Variants in CAPN2 observed in about 807,000 individuals in gnomAD.
The protein encoded by CAPN2 is calpain-2 catalytic subunit.
In CAPN2, 92 loss-of-function variants were observed where a neutral mutation model predicts 102.3. The ratio of observed to expected loss-of-function variants is 0.90; its 90% CI spans 0.76 to 1.07. The LOEUF is 1.07. Among genes scored for constraint, CAPN2 ranks in the 50% least tolerant of loss-of-function variants. The probability of loss-of-function intolerance (pLI) is 0.00; values close to 1 mark genes in which losing one functional copy is unlikely to be tolerated. For synonymous variants in CAPN2, 340 were observed against 355.4 expected (o/e 0.96, Z 0.49); for missense variants, 800 against 909.4 (o/e 0.88, Z 1.55).
chr1:223,708,695 C>T (rs1159833928), upstream of CAPN2, among the ~76,000 whole-genome samples: 4 of 151,792 alleles, frequency 2.6e-5, no homozygotes, highest in Non-Finnish European at 5.9e-5. Flanking sequence ...CACTTGCACC[C>T]GGGAGGCGAA....
rs1661599613 is a variant in CAPN2 at position 223,775,618 on chromosome 1, A to G, written c.*761A>G. The G allele has an allele frequency of 6.5e-6, 1 of 152,674 alleles. No individual in the cohort carries two copies. Among genetic ancestry groups the G allele is most frequent in the South Asian group, 2.1e-4 (1 of 4,832 alleles). The allele number at this position is 152,674 out of a possible 1,614,324, so 9.5% of individuals were successfully genotyped here. A position where few individuals can be genotyped will look rare whatever the true frequency, so the allele number is the denominator to read the frequency against. On this transcript the variant is annotated 3_prime_UTR_variant, in exon 21 of 21. Transcript: ENST00000295006. Reference sequence around the variant, plus strand: ...TAAACCAATTATGATAAAGGACAAAATAAGCTGTTTGCCACCTCAAAACTT... The same window carrying G: ...TAAACCAATTATGATAAAGGACAAAGTAAGCTGTTTGCCACCTCAAAACTT...
rs199816050 is a variant in CAPN2 at position 223,764,192 on chromosome 1, A to C, written c.1675A>C (p.Arg559=). The change falls in exon 15 of 21, where the codon AGG becomes CGG. Residue 559 remains arginine, a synonymous_variant. Coordinates refer to ENST00000295006, the MANE Select transcript of CAPN2 (RefSeq NM_001748.5). ...SAFELQTILR[R]VLAKRQDIKS... Reference sequence around the variant, plus strand: ...CTTTGAGCTGCAGACCATCCTGAGAAGGGTTCTAGCAAAGCGTGAGTATCC... The same window carrying C: ...CTTTGAGCTGCAGACCATCCTGAGACGGGTTCTAGCAAAGCGTGAGTATCC... 27 of 1,613,810 alleles carry C rather than the reference A, an allele frequency of 1.7e-5. No homozygotes were observed. Among genetic ancestry groups the C allele is most frequent in the Non-Finnish European group, 2.3e-5 (27 of 1,179,822 alleles).
Position 223,712,594 on chromosome 1 carries a change from A to C in CAPN2, c.-47A>C, listed in dbSNP as rs1659759152. On this transcript the variant is annotated 5_prime_UTR_variant, in exon 1 of 21. Coordinates refer to ENST00000295006, the MANE Select transcript of CAPN2 (RefSeq NM_001748.5). ...CGCGCCCCAGCCGAGCGCAGCGCGG[A>C]GTCGCCCCGACCTTTCTCTGCGCAG... 6.8e-7 allele frequency: 1 copy of C among 1,461,396 alleles called. No individual in the cohort carries two copies. The highest frequency in any genetic ancestry group is 1.3e-5 in the South Asian group (1 of 75,100). 90.5% of individuals were successfully genotyped at this position (1,461,396 alleles called of 1,614,324 possible).
intron 12 of CAPN2, among the ~76,000 whole-genome samples, chr1:223,760,544 G>T (rs1201996730): frequency 6.6e-6 from 1 of 152,232 alleles, no homozygotes; most frequent in East Asian, 1.9e-4. Context: ...AGCCTACCAT[G>T]GGGGAAGGGA....
chr1:223,749,701 G>A (rs1660838355), intron 6 of CAPN2, among the ~76,000 whole-genome samples: 1 of 152,218 alleles, frequency 6.6e-6, no homozygotes, highest in African/African-American at 2.4e-5. Flanking sequence ...TGTCCTTGCT[G>A]TTGTGATCAC....
chr1:223,720,973 T>C (rs2102777471), intron 2 of CAPN2, among the ~76,000 whole-genome samples: 1 of 152,268 alleles, frequency 6.6e-6, no homozygotes, highest in South Asian at 2.1e-4. Flanking sequence ...CCTTACTCAG[T>C]TCCCCCAGGG....
rs889481356 is a variant in CAPN2, at chr1:223,731,703, G to A, written c.308-12397G>A. Among the ~76,000 whole-genome samples, 6 of 152,224 alleles carry A rather than the reference G, an allele frequency of 3.9e-5. No individual in the cohort carries two copies. Among genetic ancestry groups the A allele is most frequent in the Non-Finnish European group, 8.8e-5 (6 of 68,046 alleles). ...GGAGGGGAAAGAGACATGTCCTCCA[G>A]AGTTGACTTACGCGAGGACAGAGGT... is the stretch of plus-strand genomic sequence containing the variant. On this transcript the variant is annotated intron_variant, in intron 2 of 20. Transcript: ENST00000295006. This position sits in a 1 kb window ranked among gnomAD's most constrained non-coding sequence, Gnocchi z 4.2.
At chr1:223,774,458 G>A (rs1198440215) in intron 20 of CAPN2, among the ~76,000 whole-genome samples, 3 of 152,130 alleles carry the variant, frequency 2.0e-5, no homozygotes, top group Non-Finnish European at 4.4e-5. Flanking sequence ...TAAAGTTTCC[G>A]TATCACTACA....
At chr1:223,712,449 A>T, upstream of CAPN2, 11 of 1,123,712 alleles carry the variant, frequency 9.8e-6, no homozygotes, top group Non-Finnish European at 1.2e-5. Context: ...CCGGGCCGGG[A>T]GCCCAGCAGG....
chr1:223,751,970 C>T (rs369562283), intron 7 of CAPN2, 27 bp from the exon 8 acceptor site: 80 of 1,504,466 alleles, frequency 5.3e-5, no homozygotes, highest in Admixed American at 8.9e-5. Context: ...CGTACACTAA[C>T]GCCTCTCTCT....
upstream of CAPN2, chr1:223,712,517 C>T: frequency 1.6e-6 from 2 of 1,217,006 alleles, no homozygotes; most frequent in East Asian, 3.6e-5. Flanking sequence ...GGTGAATCAT[C>T]GCTCGCAGCG....
At chr1:223,708,341 C>T (rs187362605), upstream of CAPN2, among the ~76,000 whole-genome samples, 23 of 152,068 alleles carry the variant, frequency 1.5e-4, no homozygotes, top group Non-Finnish European at 1.6e-4. Flanking sequence ...AGGAGAATCA[C>T]TTGAACCGGG....
intron 1 of CAPN2, among the ~76,000 whole-genome samples, chr1:223,714,065 C>T (rs1304608032): frequency 6.6e-6 from 1 of 152,200 alleles, no homozygotes; most frequent in African/African-American, 2.4e-5. Context: ...GTGGCTCACT[C>T]TCATTCTTCC....
chr1:223,771,783 G>A lies in CAPN2; in HGVS notation c.1904-26G>A, dbSNP rs773570460. 5.9e-6 allele frequency: 8 copies of A among 1,351,032 alleles called. No homozygotes were observed. In the Admixed American group the frequency reaches 1.2e-4, roughly 20 times the overall value. The allele number at this position is 1,351,032 out of a possible 1,614,324, so 83.7% of individuals were successfully genotyped here. The stretch of plus-strand genomic sequence containing the variant: ...ATGGAACAATCTAATGCTTAGCAAT[G>A]AGTTTGTTTGTTCATGTAACTTCAG... On this transcript the variant is annotated intron_variant, in intron 18 of 20. Coordinates refer to ENST00000295006, the MANE Select transcript of CAPN2 (RefSeq NM_001748.5).
intron 1 of CAPN2, among the ~76,000 whole-genome samples, chr1:223,715,565 C>T (rs1047910165): frequency 2.0e-5 from 3 of 152,142 alleles, no homozygotes; most frequent in South Asian, 4.1e-4. Flanking sequence ...GATTTCACAA[C>T]ACTGGCAAGA....
At chr1:223,719,911 A>G (rs1430283087) in intron 2 of CAPN2, among the ~76,000 whole-genome samples, 2 of 152,056 alleles carry the variant, frequency 1.3e-5, no homozygotes, top group Non-Finnish European at 2.9e-5. Context: ...TTAGATCACA[A>G]TCTGTGAAAT....
intron 11 of CAPN2, chr1:223,758,910 T>A: frequency 3.1e-6 from 1 of 317,640 alleles, no homozygotes; most frequent in South Asian, 3.0e-5. Flanking sequence ...CCCAGGCTGG[T>A]CTCAAACTCC....
chr1:223,726,988 T>C lies in CAPN2; in HGVS notation c.307+9157T>C, dbSNP rs1313906952. Among the ~76,000 whole-genome samples, 1 of 152,092 alleles carries C rather than the reference T, an allele frequency of 6.6e-6. No individual in the cohort carries two copies. The highest frequency in any genetic ancestry group is 2.4e-5 in the African/African-American group (1 of 41,424). On this transcript the variant is annotated intron_variant, in intron 2 of 20. Coordinates refer to ENST00000295006, the MANE Select transcript of CAPN2 (RefSeq NM_001748.5). The surrounding 1 kb of genome is among the most constrained non-coding windows in gnomAD (Gnocchi z 4.4). ...TTCAGAGGGATGGCCCTGAATTGGCTTTTCAGAGGTTCCTTCTCCTCCCTT... is the reference window on the plus strand; with the variant it reads ...TTCAGAGGGATGGCCCTGAATTGGCCTTTCAGAGGTTCCTTCTCCTCCCTT...
chr1:223,746,661 G>T (rs898792382), intron 4 of CAPN2, among the ~76,000 whole-genome samples: 24 of 151,890 alleles, frequency 1.6e-4, no homozygotes, highest in Non-Finnish European at 2.8e-4. Context: ...TGTATTTTTA[G>T]TAGAGATGGT....
Sources: allele counts gnomAD v4.1 joint callset (sites outside exome capture counted in the v4.1 genomes callset), GRCh38; gene constraint gnomAD v4.1.1; non-coding constraint Gnocchi (gnomAD v3.1); transcripts MANE v1.5; gene names NCBI Gene and HGNC (gene_info 2026-07-23, HGNC 2026-07-21).